The following SUCO variants were observed in gnomAD, a reference collection of about 807,000 sequenced individuals.
SUCO encodes SUN domain-containing ossification factor.
Under a neutral mutation model 148.1 loss-of-function variants are expected in SUCO, and 57 were observed. The ratio of observed to expected loss-of-function variants is 0.38; its 90% CI spans 0.31 to 0.48. SUCO has a LOEUF of 0.48. SUCO is among the 20% of genes least tolerant of loss of function. The probability of loss-of-function intolerance (pLI) is 0.96; values close to 1 mark genes in which losing one functional copy is unlikely to be tolerated. For missense variants in SUCO, 1,331 were observed against 1,468.2 expected, an observed-to-expected ratio of 0.91 and a Z score of 1.53; for synonymous variants, 470 against 502.7, an observed-to-expected ratio of 0.93 and a Z score of 0.87.
At chr1:172,538,625 T>C (rs1652203470) in intron 1 of SUCO, among the ~76,000 whole-genome samples, 1 of 152,108 alleles carries the variant, frequency 6.6e-6, no homozygotes, top group African/African-American at 2.4e-5. Flanking sequence ...AATAAAATAA[T>C]AAAACAATCC....
intron 1 of SUCO, chr1:172,551,077 A>C: frequency 6.0e-6 from 1 of 165,426 alleles, no homozygotes; most frequent in Non-Finnish European, 1.2e-5. Flanking sequence ...TTTTGATATC[A>C]CTGTTAGGTT....
intron 20 of SUCO, 84 bp downstream of exon 20, chr1:172,600,252 C>A: frequency 1.0e-6 from 1 of 969,036 alleles, no homozygotes; most frequent in Non-Finnish European, 1.5e-6. Flanking sequence ...GAACATGGTA[C>A]CTAAAACTTT....
chr1:172,532,808 T>A (rs775924183), upstream of SUCO: 1 of 1,599,360 alleles, frequency 6.3e-7, no homozygotes, highest in Non-Finnish European at 8.5e-7. Flanking sequence ...GGCGGTCCAC[T>A]GTAAGGGGAA....
chr1:172,559,470 C>T (rs1330957412), intron 6 of SUCO, among the ~76,000 whole-genome samples: 6 of 152,136 alleles, frequency 3.9e-5, no homozygotes, highest in Non-Finnish European at 7.4e-5. Flanking sequence ...CGGGAGGGTT[C>T]TTGGCTTAGC....
intron 7 of SUCO, 35 bp from the exon 8 acceptor site, chr1:172,570,012 A>T: frequency 7.5e-7 from 1 of 1,339,664 alleles, no homozygotes; most frequent in Non-Finnish European, 9.6e-7. Flanking sequence ...CATCAAATAT[A>T]TATATAAATA....
chr1:172,559,829 T>C (rs1173553508), intron 6 of SUCO, among the ~76,000 whole-genome samples: 1 of 152,144 alleles, frequency 6.6e-6, no homozygotes, highest in Non-Finnish European at 1.5e-5. Flanking sequence ...ACATAGCACA[T>C]TGGTGGGCTT....
intron 22 of SUCO, among the ~76,000 whole-genome samples, chr1:172,607,210 A>G (rs1450383106): frequency 1.3e-5 from 2 of 151,898 alleles, no homozygotes; most frequent in East Asian, 3.8e-4. Context: ...TTTGTGTGCT[A>G]CTTTTTCTCT....
Position 172,533,364 on chromosome 1 carries a change from C to T in SUCO, c.-72C>T, listed in dbSNP as rs1651749999. 1.3e-6 allele frequency: 2 copies of T among 1,551,846 alleles called. No homozygotes were observed. The highest frequency in any genetic ancestry group is 2.4e-5 in the East Asian group (1 of 40,920). ...TCTCGCGCTCCTGCTCCGGCTCCTC[C>T]ATCTTGGCCTCGGCAGTGGCGGCTG... On this transcript the variant is annotated 5_prime_UTR_variant, in exon 1 of 24. Transcript: ENST00000263688.
At chr1:172,574,080 A>ACTT in intron 10 of SUCO, 82 bp downstream of exon 10, 1 of 749,872 alleles carries the variant, frequency 1.3e-6, no homozygotes, top group Non-Finnish European at 2.2e-6. Context: ...AGTGGGTCAC[A>ACTT]TTTTGACTTC....
upstream of SUCO, chr1:172,532,713 G>C: frequency 1.9e-6 from 3 of 1,614,018 alleles, no homozygotes; most frequent in Non-Finnish European, 2.5e-6. Flanking sequence ...TTCTAGGAGG[G>C]ACTGGGAAAG....
At chr1:172,558,642 A>G (rs1653920063) in intron 6 of SUCO, among the ~76,000 whole-genome samples, 1 of 152,164 alleles carries the variant, frequency 6.6e-6, no homozygotes, top group African/African-American at 2.4e-5. Flanking sequence ...AACTGTTTTG[A>G]CGATGTTTCT....
At chr1:172,581,217 T>C (rs544387408) in intron 15 of SUCO, among the ~76,000 whole-genome samples, 1 of 152,348 alleles carries the variant, frequency 6.6e-6, no homozygotes, top group South Asian at 2.1e-4. Flanking sequence ...AGAATCTTGT[T>C]TAGATACTTC....
chr1:172,597,987 T>C (rs1003328537), intron 19 of SUCO, among the ~76,000 whole-genome samples: 16 of 152,244 alleles, frequency 1.1e-4, no homozygotes, highest in Non-Finnish European at 1.8e-4. Flanking sequence ...AGTTTTCTCT[T>C]TGCTCTATGA....
intron 1 of SUCO, 72 bp downstream of exon 1, chr1:172,533,569 C>G (rs573575388): frequency 1.4e-6 from 2 of 1,445,112 alleles, no homozygotes; most frequent in African/African-American, 2.9e-5. Context: ...GGTCACACCC[C>G]CTGGTCATTT....
At chr1:172,581,019 G>C (rs1317472777) in intron 15 of SUCO, among the ~76,000 whole-genome samples, 1 of 152,104 alleles carries the variant, frequency 6.6e-6, no homozygotes, top group East Asian at 1.9e-4. Context: ...AGAATCGCTT[G>C]AACCCAGGAG....
intron 1 of SUCO, among the ~76,000 whole-genome samples, chr1:172,540,787 G>C (rs770631845): frequency 6.6e-6 from 1 of 152,124 alleles, no homozygotes; most frequent in Non-Finnish European, 1.5e-5. Flanking sequence ...GCAGTGGGTA[G>C]ATGGCACTTA....
chr1:172,593,886 C>G (rs530837197), intron 19 of SUCO, among the ~76,000 whole-genome samples: 1 of 152,164 alleles, frequency 6.6e-6, no homozygotes, highest in Non-Finnish European at 1.5e-5. Flanking sequence ...TAAAATTCAT[C>G]TGTGAATCTG....
intron 1 of SUCO, among the ~76,000 whole-genome samples, chr1:172,548,320 C>G (rs1268127196): frequency 6.6e-6 from 1 of 151,460 alleles, no homozygotes; most frequent in Admixed American, 6.6e-5. Flanking sequence ...TACTATCTTC[C>G]CTTTATTGGT....
chr1:172,533,354 C>T lies in SUCO; in HGVS notation c.-82C>T, dbSNP rs779011253. ...TCGGTCACATTCTCGCGCTCCTGCTCCGGCTCCTCCATCTTGGCCTCGGCA... is the reference window on the plus strand; with the variant it reads ...TCGGTCACATTCTCGCGCTCCTGCTTCGGCTCCTCCATCTTGGCCTCGGCA... On this transcript the variant is annotated 5_prime_UTR_variant, in exon 1 of 24. Transcript: ENST00000263688. 31 of 1,551,592 alleles carry T rather than the reference C, an allele frequency of 2.0e-5. No homozygotes were observed. The highest frequency in any genetic ancestry group is 1.7e-4 in the Middle Eastern group (1 of 5,960).
Sources: allele counts gnomAD v4.1 joint callset (sites outside exome capture counted in the v4.1 genomes callset), GRCh38; gene constraint gnomAD v4.1.1; transcripts MANE v1.5; gene names NCBI Gene and HGNC (gene_info 2026-07-23, HGNC 2026-07-21).